RETN: variants seen among roughly 807,000 people sequenced by gnomAD.
RETN encodes resistin.
In RETN, 5 loss-of-function variants were observed where a neutral mutation model predicts 6.1. The ratio of observed to expected loss-of-function variants is 0.82; its 90% confidence interval spans 0.43 to 1.73. The LOEUF (loss-of-function observed/expected upper bound fraction) is 1.73. Ranked by LOEUF, RETN falls within the 40% of genes most tolerant of loss-of-function variation. The pLI is 0.02. For missense variants in RETN, 168 were observed against 142.5 expected, an observed-to-expected ratio of 1.18 and a Z score of -0.91; for synonymous variants, 62 against 59.2, an observed-to-expected ratio of 1.05 and a Z score of -0.22.
intron 3 of RETN, 56 bp from the exon 4 acceptor site, chr19:7,670,163 G>A: frequency 4.1e-6 from 3 of 737,780 alleles, no homozygotes; most frequent in Non-Finnish European, 5.9e-6. Context: ...CCCCCCTCCC[G>A]CTCCCACCCT....
Position 7,670,095 on chromosome 19 carries a change from A to G in RETN, c.197-124A>G, listed in dbSNP as rs974669803. ...CCTCCAGTGCCCATTCAGTGGTTGGAGCCTCCAGCCGTCCCCGTCCCCACC... is the reference window on the plus strand; with the variant it reads ...CCTCCAGTGCCCATTCAGTGGTTGGGGCCTCCAGCCGTCCCCGTCCCCACC... On this transcript the variant is annotated intron_variant, in intron 3 of 3. Coordinates refer to ENST00000221515, the MANE Select transcript of RETN (RefSeq NM_020415.4). The G allele has an allele frequency of 1.4e-5, 15 of 1,088,994 alleles. No homozygotes were observed. The Admixed American group carries it at 1.8e-4, about 13-fold the overall frequency. The allele number at this position is 1,088,994 out of a possible 1,614,324, so 67.5% of individuals were successfully genotyped here. A position where few individuals can be genotyped will look rare whatever the true frequency, so the allele number is the denominator to read the frequency against.
chr19:7,669,359 C>T lies in RETN; in HGVS notation c.33C>T (p.Val11=). MKALCLLLLP[V]LGLLVSSKTL... ...CTCTCTGTCTCCTCCTCCTCCCTGT[C>T]CTGGGGCTGTTGGTGTCTAGCAAGA... is the stretch of plus-strand genomic sequence containing the variant. The change falls in exon 2 of 4, where the codon GTC becomes GTT. Residue 11 remains valine, a synonymous_variant. Transcript: ENST00000221515. 1 of 1,614,018 alleles carries T rather than the reference C, an allele frequency of 6.2e-7. No individual in the cohort carries two copies. The highest frequency in any genetic ancestry group is 1.1e-5 in the South Asian group (1 of 91,072).
intron 2 of RETN, 80 bp downstream of exon 2, chr19:7,669,524 C>A: frequency 9.8e-7 from 1 of 1,015,788 alleles, no homozygotes; most frequent in Non-Finnish European, 1.6e-6. Flanking sequence ...GACTCCAACC[C>A]AGCCCCAGCG....
At chr19:7,670,432 AGATGAT>A (rs3833230) in exon 4 of RETN, 2,277 of 1,142,948 alleles carry the variant, frequency 2.0e-3, 34 homozygotes, top group African/African-American at 0.011. Context: ...ATAAACCTGG[AGATGAT>A]GATGATGATG....
rs1177190679 is a variant in RETN, at chr19:7,670,158, C to A, written c.197-61C>A. The A allele has an allele frequency of 1.1e-4, 114 of 1,004,946 alleles. 3 individuals are homozygous for A. The highest frequency in any genetic ancestry group is 4.9e-4 in the South Asian group (36 of 72,886). The allele number at this position is 1,004,946 out of a possible 1,614,324, so 62.3% of individuals were successfully genotyped here. On this transcript the variant is annotated intron_variant, in intron 3 of 3. Transcript: ENST00000221515. ...ACCCCCCTCCGCGCTCCCCACCCCC[C>A]TCCCGCTCCCACCCTCAGCCTCCCA... is the stretch of plus-strand genomic sequence containing the variant.
intron 1 of RETN, 40 bp downstream of exon 1, chr19:7,669,161 G>C: frequency 1.6e-6 from 1 of 635,920 alleles, no homozygotes; most frequent in South Asian, 1.8e-5. Context: ...TGGCACCAGC[G>C]GGGAGGCTGG....
At position 7,669,918 on chromosome 19, in the gene RETN, G is replaced by T. The variant is rs1185120309; in HGVS notation, c.196+20G>T. Reference sequence around the variant, plus strand: ...CCCGAGGTGAGTGCAGGAGACTGTTGTCCAGGCGCCCATTTCTGTTCCAAG... The same window carrying T: ...CCCGAGGTGAGTGCAGGAGACTGTTTTCCAGGCGCCCATTTCTGTTCCAAG... On this transcript the variant is annotated intron_variant, in intron 3 of 3. Transcript: ENST00000221515. The T allele has an allele frequency of 1.2e-6, 2 of 1,607,134 alleles. No individual in the cohort carries two copies. The highest frequency in any genetic ancestry group is 1.7e-6 in the Non-Finnish European group (2 of 1,174,040).
At chr19:7,669,744 A>T in intron 2 of RETN, 77 bp from the exon 3 acceptor site, 1 of 1,361,264 alleles carries the variant, frequency 7.3e-7, no homozygotes, top group Non-Finnish European at 1.0e-6. Context: ...GCTCCAAACC[A>T]ACAGGGCTAG....
chr19:7,669,594 C>CA (rs2032457740), intron 2 of RETN, 150 bp downstream of exon 2: 1 of 739,044 alleles, frequency 1.4e-6, no homozygotes. Context: ...ACTCCACTCC[C>CA]AACCCCTCCG....
chr19:7,669,658 C>A (rs1373261288), intron 2 of RETN, among the ~76,000 whole-genome samples, 163 bp from the exon 3 acceptor site: 3 of 152,182 alleles, frequency 2.0e-5, no homozygotes, highest in Admixed American at 2.0e-4. Flanking sequence ...TCACTCCAAA[C>A]CTTCCCTTAC....
chr19:7,669,712 C>T, intron 2 of RETN, 109 bp from the exon 3 acceptor site: 3 of 960,776 alleles, frequency 3.1e-6, no homozygotes, highest in African/African-American at 3.2e-5. Context: ...GGCCAGTGAG[C>T]TCCTATGCCC....
chr19:7,669,318 G>T lies in RETN; in HGVS notation c.-9G>T, dbSNP rs143039347. 2.2e-5 allele frequency: 35 copies of T among 1,604,114 alleles called. No homozygotes were observed. The East Asian group carries it at 4.2e-4, about 19-fold the overall frequency. Reference sequence around the variant, plus strand: ...GGGTCTCTTGGTTCCCTCTTTCAGCGCCTGCAGGATGAAAGCTCTCTGTCT... The same window carrying T: ...GGGTCTCTTGGTTCCCTCTTTCAGCTCCTGCAGGATGAAAGCTCTCTGTCT... On this transcript the variant is annotated splice_region_variant and 5_prime_UTR_variant, in exon 2 of 4. Transcript: ENST00000221515.
chr19:7,670,403 G>T lies in RETN; in HGVS notation c.*54G>T. The stretch of plus-strand genomic sequence containing the variant: ...GCGGAGGCGGCTCCAGGTCCGGAGG[G>T]GTTGCGGGGGAGCTGGAAATAAACC... On this transcript the variant is annotated 3_prime_UTR_variant, in exon 4 of 4. Transcript: ENST00000221515. 2 of 1,515,422 alleles carry T rather than the reference G, an allele frequency of 1.3e-6. No homozygotes were observed. Among genetic ancestry groups the T allele is most frequent in the Non-Finnish European group, 1.8e-6 (2 of 1,133,304 alleles). 93.9% of individuals were successfully genotyped at this position (1,515,422 alleles called of 1,614,324 possible). A position where few individuals can be genotyped will look rare whatever the true frequency, so the allele number is the denominator to read the frequency against.
Position 7,669,687 on chromosome 19 carries a change from A to G in RETN, c.119-134A>G, listed in dbSNP as rs191694763. On this transcript the variant is annotated intron_variant, in intron 2 of 3. Coordinates refer to ENST00000221515, the MANE Select transcript of RETN (RefSeq NM_020415.4). ...CCCTTACTCCAAAACACCCAACTCA[A>G]GACAGGGTCCTGGAGGCCAGTGAGC... is the stretch of plus-strand genomic sequence containing the variant. 4,266 of 817,078 alleles carry G rather than the reference A, an allele frequency of 5.2e-3. 27 individuals carry two copies. The highest frequency in any genetic ancestry group is 6.2e-3 in the Non-Finnish European group (2,937 of 477,544). The allele number at this position is 817,078 out of a possible 1,614,324, so 50.6% of individuals were successfully genotyped here. A position where few individuals can be genotyped will look rare whatever the true frequency, so the allele number is the denominator to read the frequency against.
At chr19:7,669,527 C>T in intron 2 of RETN, 83 bp downstream of exon 2, 1 of 981,438 alleles carries the variant, frequency 1.0e-6, no homozygotes, top group Non-Finnish European at 1.6e-6. Context: ...TCCAACCCAG[C>T]CCCAGCGCTC....
In RETN at chr19:7,669,308, C is replaced by G. The variant is rs746690869; in HGVS notation, c.-10-9C>G. 5 of 1,596,622 alleles carry G rather than the reference C, an allele frequency of 3.1e-6. No homozygotes were observed. The African/African-American group carries it at 6.7e-5, about 21-fold the overall frequency. ...ATCCAGCTGTGGGTCTCTTGGTTCCCTCTTTCAGCGCCTGCAGGATGAAAG... is the reference window on the plus strand; with the variant it reads ...ATCCAGCTGTGGGTCTCTTGGTTCCGTCTTTCAGCGCCTGCAGGATGAAAG... On this transcript the variant is annotated splice_polypyrimidine_tract_variant and intron_variant, in intron 1 of 3. Transcript: ENST00000221515.
At chr19:7,670,451 GATGATGATGAT>G (rs747836902) in exon 4 of RETN, 1 of 1,279,156 alleles carries the variant, frequency 7.8e-7, no homozygotes, top group Non-Finnish European at 1.1e-6. Flanking sequence ...TGATGATGAT[GATGATGATGAT>G]GGAGCGGATC....
chr19:7,669,955 T>C, intron 3 of RETN, 57 bp downstream of exon 3: 6 of 1,320,792 alleles, frequency 4.5e-6, no homozygotes, highest in Non-Finnish European at 5.4e-6. Flanking sequence ...CCCCTGGGAA[T>C]GCCCCCTCCC....
At position 7,669,336 on chromosome 19, in the gene RETN, C is replaced by A; in HGVS notation, c.10C>A (p.Leu4Ile). The A allele has an allele frequency of 6.2e-7, 1 of 1,613,358 alleles. No homozygotes were observed. ...TTTCAGCGCCTGCAGGATGAAAGCT[C>A]TCTGTCTCCTCCTCCTCCCTGTCCT... MKA[L>I]CLLLLPVLGL... Residue 4 changes from leucine to isoleucine, a missense_variant, in exon 2 of 4, where the codon CTC becomes ATC. Leu to Ile is a conservative substitution (Grantham distance 5, BLOSUM62 2). Transcript: ENST00000221515.
Sources: gnomAD v4.1 joint callset for allele counts (sites outside exome capture counted in the v4.1 genomes callset) on GRCh38, gnomAD v4.1.1 for gene constraint, MANE v1.5 for transcripts, NCBI Gene and HGNC (gene_info 2026-07-23, HGNC 2026-07-21) for gene names.